C17orf99: variants seen among roughly 807,000 people sequenced by gnomAD.
C17orf99 encodes chromosome 17 open reading frame 99, also known as protein IL-40.
In C17orf99, 18 loss-of-function variants were observed where a neutral mutation model predicts 22.6. The observed-to-expected ratio is 0.80, with a 90% CI of 0.55 to 1.18. The LOEUF (loss-of-function observed/expected upper bound fraction) is 1.18. Among genes scored for constraint, C17orf99 ranks in the 50% most tolerant of loss-of-function variants. C17orf99 has a pLI of 0.00. For synonymous variants in C17orf99, 147 were observed against 136.6 expected (o/e 1.08, Z -0.53); for missense variants, 328 against 342.7 (o/e 0.96, Z 0.34).
rs138485579 is a variant in C17orf99, at chr17:78,154,441, G to T, written c.71-6514G>T. Among the ~76,000 whole-genome samples the T allele has an allele frequency of 9.9e-5, 15 of 151,498 alleles. No homozygotes were observed. In the East Asian group the frequency reaches 2.4e-3, roughly 24 times the overall value. Reference sequence around the variant, plus strand: ...CATGTGTCTGTAATCCCAGCTACTCGGGCAGCTGAGGCAGGAGAATCGCTT... The same window carrying T: ...CATGTGTCTGTAATCCCAGCTACTCTGGCAGCTGAGGCAGGAGAATCGCTT... On this transcript the variant is annotated intron_variant, in intron 2 of 4. Coordinates refer to ENST00000340363, the MANE Select transcript of C17orf99 (RefSeq NM_001163075.2).
rs61377640 is a variant in C17orf99 at position 78,166,155 on chromosome 17, C to CAAA, written c.*129_*131dup. 287 of 144,666 alleles carry CAAA rather than the reference C, an allele frequency of 2.0e-3. No homozygotes were observed. The highest frequency in any genetic ancestry group is 3.3e-3 in the East Asian group (24 of 7,260). 9.0% of individuals were successfully genotyped at this position (144,666 alleles called of 1,614,324 possible). ...GAGTGTGTTTTAGCTGCTCTTGCCA[C>CAAA]AAAAAAAAAAAAAAAAAAAAAAGGG... On this transcript the variant is annotated 3_prime_UTR_variant, in exon 5 of 5. Coordinates refer to ENST00000340363, the MANE Select transcript of C17orf99 (RefSeq NM_001163075.2).
In C17orf99 at chr17:78,166,268, C is replaced by A; in HGVS notation, c.*222C>A. 5.6e-6 allele frequency: 2 copies of A among 357,766 alleles called. No individual in the cohort carries two copies. Among genetic ancestry groups the A allele is most frequent in the Non-Finnish European group, 9.9e-6 (2 of 201,920 alleles). 22.2% of individuals were successfully genotyped at this position (357,766 alleles called of 1,614,324 possible). ...ATTATCTATATGAATCCCATCATATCAGGTTGTCTACCTTAAATATACACA... is the reference window on the plus strand; with the variant it reads ...ATTATCTATATGAATCCCATCATATAAGGTTGTCTACCTTAAATATACACA... On this transcript the variant is annotated 3_prime_UTR_variant, in exon 5 of 5. Transcript: ENST00000340363.
Position 78,164,330 on chromosome 17 carries a change from T to C in C17orf99, c.606T>C (p.Asn202=). ...GGTGCCAGGCTGCAAACAACGCCAA[T>C]GTCCAGCACAGCGCCCTCACAGTGG... ...WFWCQAANNA[N]VQHSALTVVP... is the part of the protein sequence containing the mutation. The change falls in exon 4 of 5, where the codon AAT becomes AAC. Residue 202 remains asparagine (N), a synonymous_variant. Transcript: ENST00000340363. The C allele has an allele frequency of 6.4e-7, 1 of 1,551,558 alleles. No individual in the cohort carries two copies. Among genetic ancestry groups the C allele is most frequent in the Non-Finnish European group, 8.7e-7 (1 of 1,146,988 alleles).
At chr17:78,163,078 C>G (rs1188992311) in intron 3 of C17orf99, among the ~76,000 whole-genome samples, 1 of 152,214 alleles carries the variant, frequency 6.6e-6, no homozygotes, top group African/African-American at 2.4e-5. Context: ...AGCCACTGCA[C>G]CCAGCCAATA....
At chr17:78,164,756 G>A in intron 4 of C17orf99, 1 of 1,296,500 alleles carries the variant, frequency 7.7e-7, no homozygotes, top group Non-Finnish European at 1.0e-6. Flanking sequence ...AGGTGGTGGG[G>A]CTTGCAGGGC....
At chr17:78,155,676 G>C (rs2075519922) in intron 2 of C17orf99, among the ~76,000 whole-genome samples, 1 of 151,958 alleles carries the variant, frequency 6.6e-6, no homozygotes, top group South Asian at 2.1e-4. Flanking sequence ...ACCCATGCTA[G>C]AGTACAATGG....
intron 2 of C17orf99, among the ~76,000 whole-genome samples, chr17:78,157,193 C>T (rs369510577): frequency 1.1e-4 from 16 of 151,928 alleles, no homozygotes; most frequent in African/African-American, 1.2e-4. Context: ...AGGCCGGGCA[C>T]GGTGGCTCAC....
intron 2 of C17orf99, chr17:78,157,901 C>T: frequency 8.5e-7 from 1 of 1,176,500 alleles, no homozygotes; most frequent in Non-Finnish European, 1.2e-6. Context: ...CAAGCACGGC[C>T]ATGCCAAGGT....
intron 3 of C17orf99, among the ~76,000 whole-genome samples, chr17:78,163,546 G>T (rs1485031722): frequency 3.3e-5 from 5 of 152,304 alleles, no homozygotes; most frequent in African/African-American, 4.8e-5. Flanking sequence ...TATTTGCTAA[G>T]TCTGGCAATC....
chr17:78,148,697 A>G (rs541257492), intron 2 of C17orf99, among the ~76,000 whole-genome samples: 12 of 152,298 alleles, frequency 7.9e-5, no homozygotes, highest in African/African-American at 2.9e-4. Flanking sequence ...GTACCTGGGC[A>G]GGGACCCTGT....
At chr17:78,154,567 G>A (rs1412266761) in intron 2 of C17orf99, among the ~76,000 whole-genome samples, 2 of 150,664 alleles carry the variant, frequency 1.3e-5, no homozygotes, top group Non-Finnish European at 2.9e-5. Flanking sequence ...AATAGGTGGG[G>A]CGCAGTGGCT....
intron 2 of C17orf99, chr17:78,157,934 T>G: frequency 8.5e-7 from 1 of 1,171,510 alleles, no homozygotes; most frequent in Non-Finnish European, 1.3e-6. Flanking sequence ...TACTGACATC[T>G]TTACTGGGAA....
chr17:78,155,081 G>A (rs1012913642), intron 2 of C17orf99, among the ~76,000 whole-genome samples: 6 of 151,442 alleles, frequency 4.0e-5, no homozygotes, highest in African/African-American at 7.3e-5. Context: ...GATGCTTTGC[G>A]ACATCCTTGG....
intron 2 of C17orf99, chr17:78,157,391 G>T: frequency 1.4e-5 from 17 of 1,205,184 alleles, no homozygotes; most frequent in Non-Finnish European, 1.8e-5. Context: ...TTGAGTCAGT[G>T]AGTTCGTGCG....
chr17:78,160,662 C>A (rs778066473), intron 2 of C17orf99: 1 of 358,320 alleles, frequency 2.8e-6, no homozygotes, highest in Non-Finnish European at 5.1e-6. Flanking sequence ...CTGCCACCTG[C>A]CACCTCCGCC....
rs1022567817 is a variant in C17orf99, at chr17:78,166,068, A to G, written c.*22A>G. On this transcript the variant is annotated 3_prime_UTR_variant, in exon 5 of 5. Coordinates refer to ENST00000340363, the MANE Select transcript of C17orf99 (RefSeq NM_001163075.2). ...GTAGAATGAACCGTCCAGAGAGCCA[A>G]GCACGGCAGAGGACTGCAGGCCATC... The G allele has an allele frequency of 1.9e-6, 2 of 1,027,944 alleles. No individual in the cohort carries two copies. Among genetic ancestry groups the G allele is most frequent in the Non-Finnish European group, 2.6e-6 (2 of 754,880 alleles). 63.7% of individuals were successfully genotyped at this position (1,027,944 alleles called of 1,614,324 possible).
Position 78,165,979 on chromosome 17 carries a change from A to G in C17orf99, c.731A>G (p.Glu244Gly). Residue 244 changes from glutamate to glycine, a missense_variant, in exon 5 of 5, where the codon GAA (glutamate) becomes GGA (glycine). Coordinates refer to ENST00000340363, the MANE Select transcript of C17orf99 (RefSeq NM_001163075.2). Reference protein sequence around the residue: ...PLYRSTRRLSEEEFGGFRIGN... With the variant: ...PLYRSTRRLSGEEFGGFRIGN... ...TACAGGAGCACCCGCCGTCTGAGTGAAGAGGAGTTTGGGGGGTTCAGGATA... is the reference window on the plus strand; with the variant it reads ...TACAGGAGCACCCGCCGTCTGAGTGGAGAGGAGTTTGGGGGGTTCAGGATA... 15 of 1,501,806 alleles carry G rather than the reference A, an allele frequency of 1.0e-5. No individual in the cohort carries two copies. The highest frequency in any genetic ancestry group is 1.2e-5 in the Non-Finnish European group (13 of 1,116,124). 93.0% of individuals were successfully genotyped at this position (1,501,806 alleles called of 1,614,324 possible).
intron 2 of C17orf99, chr17:78,160,668 C>CATT: frequency 2.7e-6 from 1 of 377,190 alleles, no homozygotes; most frequent in Non-Finnish European, 4.8e-6. Flanking sequence ...CCTGCCACCT[C>CATT]CGCCTTCCTG....
At chr17:78,160,900 G>A in intron 2 of C17orf99, 55 bp from the exon 3 acceptor site, 3 of 1,442,124 alleles carry the variant, frequency 2.1e-6, no homozygotes, top group Non-Finnish European at 1.9e-6. Flanking sequence ...ACCTTCTTAA[G>A]GTGCTTGATC....
Sources: allele counts gnomAD v4.1 joint callset (sites outside exome capture counted in the v4.1 genomes callset), GRCh38; gene constraint gnomAD v4.1.1; transcripts MANE v1.5; gene names NCBI Gene and HGNC (gene_info 2026-07-23, HGNC 2026-07-21).